Variants in GRM8 observed in about 807,000 individuals in gnomAD.
GRM8 encodes glutamate metabotropic receptor 8.
A neutral mutation model predicts 87.2 loss-of-function variants in GRM8; 47 were observed. The observed-to-expected ratio is 0.54, with a 90% CI of 0.43 to 0.69. GRM8 has a LOEUF of 0.69. GRM8 is among the 30% of genes least tolerant of loss of function. The pLI is 0.00. For missense variants in GRM8, 1,019 were observed against 1,139.2 expected (o/e 0.89, Z 1.52); for synonymous variants, 396 against 404.5 (o/e 0.98, Z 0.25).
chr7:126,698,773 A>G (rs1016058687), intron 7 of GRM8, among the ~76,000 whole-genome samples: 1 of 152,190 alleles, frequency 6.6e-6, no homozygotes, highest in African/African-American at 2.4e-5. Context: ...CGTAACCCCA[A>G]TAGAGCTTGT....
At chr7:126,568,587 A>G (rs1794438901) in intron 8 of GRM8, among the ~76,000 whole-genome samples, 1 of 152,150 alleles carries the variant, frequency 6.6e-6, no homozygotes, top group Middle Eastern at 3.2e-3. Context: ...TAAATGACTG[A>G]CTTTGAAGTA....
At chr7:126,776,730 A>C (rs1032935290) in intron 6 of GRM8, among the ~76,000 whole-genome samples, 1 of 152,124 alleles carries the variant, frequency 6.6e-6, no homozygotes, top group African/African-American at 2.4e-5. Context: ...TAACACCACA[A>C]CCAATTAACT....
intron 8 of GRM8, among the ~76,000 whole-genome samples, chr7:126,567,409 G>T (rs1794314125): frequency 1.3e-5 from 2 of 151,100 alleles, no homozygotes; most frequent in East Asian, 3.9e-4. Flanking sequence ...GGACTGTTGT[G>T]GGGTAGGGGG....
intron 3 of GRM8, among the ~76,000 whole-genome samples, chr7:126,916,985 T>C (rs1446423104): frequency 1.3e-5 from 2 of 152,204 alleles, no homozygotes. Context: ...AGTTACGTTT[T>C]TAACTTTTTG....
intron 8 of GRM8, among the ~76,000 whole-genome samples, chr7:126,562,082 C>A (rs2150961654): frequency 6.6e-6 from 1 of 151,868 alleles, no homozygotes; most frequent in South Asian, 2.1e-4. Flanking sequence ...AAACATTATT[C>A]CCCTATACCC....
chr7:126,613,637 T>A (rs1799149474), intron 7 of GRM8, among the ~76,000 whole-genome samples: 1 of 152,130 alleles, frequency 6.6e-6, no homozygotes, highest in Admixed American at 6.5e-5. Flanking sequence ...GCCAAGGGAA[T>A]GGGTGACAGA....
At chr7:126,463,589 C>A (rs1804146972) in intron 9 of GRM8, among the ~76,000 whole-genome samples, 4 of 151,622 alleles carry the variant, frequency 2.6e-5, no homozygotes, top group Admixed American at 2.6e-4. Flanking sequence ...AAAGAAAGCA[C>A]CAAGCTAGGC....
At chr7:126,458,794 T>A (rs1461709685) in intron 9 of GRM8, among the ~76,000 whole-genome samples, 1 of 151,004 alleles carries the variant, frequency 6.6e-6, no homozygotes, top group Non-Finnish European at 1.5e-5. Flanking sequence ...TAAATATGAG[T>A]TTTTATTTGG....
At chr7:126,701,030 A>C (rs1217878438) in intron 7 of GRM8, among the ~76,000 whole-genome samples, 1 of 151,828 alleles carries the variant, frequency 6.6e-6, no homozygotes, top group African/African-American at 2.4e-5. Flanking sequence ...TCCTTCTTTT[A>C]ATAAATGTAT....
intron 3 of GRM8, among the ~76,000 whole-genome samples, chr7:127,032,850 CT>C (rs1173325826): frequency 6.6e-6 from 1 of 151,542 alleles, no homozygotes; most frequent in African/African-American, 2.4e-5. Context: ...TTTATTTTTG[CT>C]TTTTTGTTGT....
chr7:127,140,133 A>G (rs1190751669), intron 2 of GRM8, among the ~76,000 whole-genome samples: 4 of 152,132 alleles, frequency 2.6e-5, no homozygotes, highest in Non-Finnish European at 4.4e-5. Flanking sequence ...TCAATATTCA[A>G]TCAAGACTAT....
intron 4 of GRM8, 101 bp downstream of exon 4, chr7:126,904,447 T>A (rs1329746772): frequency 2.6e-6 from 3 of 1,145,824 alleles, no homozygotes; most frequent in Non-Finnish European, 3.8e-6. Context: ...AGTCTGTTAT[T>A]GGAAGGCAAT....
intron 6 of GRM8, among the ~76,000 whole-genome samples, chr7:126,788,156 T>A (rs1056552747): frequency 3.9e-5 from 6 of 151,958 alleles, no homozygotes; most frequent in African/African-American, 1.4e-4. Context: ...ATGCTTGTAA[T>A]CCCAGCACTT....
At chr7:126,849,787 T>A (rs940205450) in intron 6 of GRM8, among the ~76,000 whole-genome samples, 6 of 152,080 alleles carry the variant, frequency 3.9e-5, no homozygotes, top group Non-Finnish European at 8.8e-5. Flanking sequence ...CATACCTTCA[T>A]ACCCATCTCC....
chr7:126,826,924 T>C (rs966055772), intron 6 of GRM8, among the ~76,000 whole-genome samples: 5 of 152,222 alleles, frequency 3.3e-5, no homozygotes, highest in Non-Finnish European at 5.9e-5. Context: ...GTTTCAGCTT[T>C]CTCCATATGG....
chr7:127,061,104 T>C (rs1820557274), intron 3 of GRM8, among the ~76,000 whole-genome samples: 1 of 152,206 alleles, frequency 6.6e-6, no homozygotes, highest in South Asian at 2.1e-4. Context: ...CCATAGCTTT[T>C]CTTCTACTTC....
chr7:126,786,965 C>T (rs1186551586), intron 6 of GRM8, among the ~76,000 whole-genome samples: 1 of 152,130 alleles, frequency 6.6e-6, no homozygotes, highest in African/African-American at 2.4e-5. Context: ...TTTTCTGGGT[C>T]ACAATGCTGG....
intron 7 of GRM8, among the ~76,000 whole-genome samples, chr7:126,620,468 T>C (rs79488963): frequency 3.3e-5 from 5 of 152,178 alleles, no homozygotes; most frequent in African/African-American, 1.2e-4. Flanking sequence ...TCTCAAGCAC[T>C]CCAACATGGT....
At position 126,439,158 on chromosome 7, in the gene GRM8, G is replaced by A; in HGVS notation, c.2688C>T (p.Thr896=). ...TGCTGTAACTGATATATGTTGTCTT[G>A]GTAGAGGAAGCTGTTAAGATAAATG... ...CESLETNTSS[T]KTTYISYSNH... Residue 896 remains threonine (T), a synonymous_variant, in exon 11 of 11, where the codon ACC becomes ACT. Coordinates refer to ENST00000339582, the MANE Select transcript of GRM8 (RefSeq NM_000845.3). 6.4e-7 allele frequency: 1 copy of A among 1,550,944 alleles called. No individual in the cohort carries two copies. The highest frequency in any genetic ancestry group is 2.2e-5 in the East Asian group (1 of 44,462).
Sources: allele counts gnomAD v4.1 joint callset (sites outside exome capture counted in the v4.1 genomes callset), GRCh38; gene constraint gnomAD v4.1.1; transcripts MANE v1.5; gene names NCBI Gene and HGNC (gene_info 2026-07-23, HGNC 2026-07-21).